SLC24A2: variants seen among roughly 807,000 people sequenced by gnomAD.
SLC24A2 encodes the protein solute carrier family 24 member 2.
SLC24A2 carries 36 observed loss-of-function variants against 62.0 expected under a neutral mutation model. The observed-to-expected ratio is 0.58, with a 90% CI of 0.44 to 0.77. The LOEUF (loss-of-function observed/expected upper bound fraction) is 0.77, where lower values mean the gene tolerates loss of function less well. SLC24A2 is among the 30% of genes least tolerant of loss of function. SLC24A2 has a pLI of 0.00. For synonymous variants in SLC24A2, 358 were observed against 294.0 expected (o/e 1.22, Z -2.23); for missense variants, 846 against 817.9 (o/e 1.03, Z -0.42).
At chr9:19,922,703 T>C in the SLC24A2 span, among the ~76,000 whole-genome samples, 3 of 152,254 alleles carry the variant, frequency 2.0e-5, no homozygotes, top group South Asian at 2.1e-4. Context: ...TGGGGCCACC[T>C]AGACTCCAAA....
the SLC24A2 span, among the ~76,000 whole-genome samples, chr9:19,943,405 G>A: frequency 6.6e-6 from 1 of 152,212 alleles, no homozygotes; most frequent in Admixed American, 6.5e-5. Context: ...CTGCTCCCTG[G>A]AGGGAAGTTG....
the SLC24A2 span, among the ~76,000 whole-genome samples, chr9:20,035,713 T>C: frequency 1.3e-5 from 2 of 152,090 alleles, no homozygotes; most frequent in Non-Finnish European, 2.9e-5. Flanking sequence ...TGAGCCAGGA[T>C]AGCGCTGCAC....
At chr9:19,981,448 G>A in the SLC24A2 span, among the ~76,000 whole-genome samples, 52 of 152,096 alleles carry the variant, frequency 3.4e-4, 2 homozygotes, top group East Asian at 9.9e-3. Context: ...GCATAACAAT[G>A]GTCAATTCTG....
chr9:20,161,757 T>TAC, the SLC24A2 span, among the ~76,000 whole-genome samples: 3,074 of 147,072 alleles, frequency 0.021, 34 homozygotes, highest in African/African-American at 0.036. Context: ...AACATGAAGA[T>TAC]ACACACACAC....
intron 5 of SLC24A2, among the ~76,000 whole-genome samples, chr9:19,594,751 C>T (rs1836658103): frequency 6.6e-6 from 1 of 152,164 alleles, no homozygotes; most frequent in Non-Finnish European, 1.5e-5. Context: ...TTAAATTGTA[C>T]AACATGAAAG....
the SLC24A2 span, among the ~76,000 whole-genome samples, chr9:19,913,178 A>G: frequency 6.6e-6 from 1 of 152,050 alleles, no homozygotes. Context: ...TCTATTTGCT[A>G]ATGACTCCAA....
At chr9:20,229,585 T>G in the SLC24A2 span, among the ~76,000 whole-genome samples, 3 of 152,062 alleles carry the variant, frequency 2.0e-5, no homozygotes, top group Admixed American at 6.6e-5. Context: ...CATTACTCAG[T>G]CCATACATTT....
At chr9:20,300,994 T>C in the SLC24A2 span, among the ~76,000 whole-genome samples, 2 of 152,040 alleles carry the variant, frequency 1.3e-5, no homozygotes, top group African/African-American at 4.8e-5. Context: ...ATCCATTGAG[T>C]AAAAAGAGTC....
chr9:19,832,131 C>G, the SLC24A2 span, among the ~76,000 whole-genome samples: 2 of 152,194 alleles, frequency 1.3e-5, no homozygotes, highest in Admixed American at 6.5e-5. Context: ...TCAGAGAGGC[C>G]AGTTTCAGAA....
At chr9:19,861,888 G>A in the SLC24A2 span, among the ~76,000 whole-genome samples, 3,743 of 151,978 alleles carry the variant, frequency 0.025, 145 homozygotes, top group African/African-American at 0.085. Flanking sequence ...TAAAAATACA[G>A]AGTCAGAGGA....
the SLC24A2 span, among the ~76,000 whole-genome samples, chr9:19,878,249 T>C: frequency 1.3e-5 from 2 of 152,146 alleles, no homozygotes; most frequent in Non-Finnish European, 2.9e-5. Flanking sequence ...CCATAACACC[T>C]GGAGACTTTG....
chr9:20,026,561 C>T, the SLC24A2 span, among the ~76,000 whole-genome samples: 1 of 152,096 alleles, frequency 6.6e-6, no homozygotes, highest in South Asian at 2.1e-4. Flanking sequence ...CCTTGAAGAA[C>T]ACACAATAGG....
At chr9:20,215,254 A>C in the SLC24A2 span, among the ~76,000 whole-genome samples, 2 of 152,210 alleles carry the variant, frequency 1.3e-5, no homozygotes, top group African/African-American at 2.4e-5. Flanking sequence ...TGTCTGCCTC[A>C]CCGAATCACA....
the SLC24A2 span, among the ~76,000 whole-genome samples, chr9:19,876,801 A>AAAG: frequency 6.6e-6 from 1 of 152,104 alleles, no homozygotes; most frequent in East Asian, 1.9e-4. Context: ...AAGGGTTGCT[A>AAAG]GAAGATTTAG....
At chr9:20,158,225 A>G in the SLC24A2 span, among the ~76,000 whole-genome samples, 1 of 151,782 alleles carries the variant, frequency 6.6e-6, no homozygotes, top group Non-Finnish European at 1.5e-5. Flanking sequence ...AGGATGAATT[A>G]TAAGTTGCAC....
At chr9:19,830,611 G>T in the SLC24A2 span, among the ~76,000 whole-genome samples, 1 of 152,124 alleles carries the variant, frequency 6.6e-6, no homozygotes, top group Non-Finnish European at 1.5e-5. Flanking sequence ...TCTTCCAGGA[G>T]TCTTCCATTC....
At chr9:20,140,745 C>A in the SLC24A2 span, among the ~76,000 whole-genome samples, 3 of 152,066 alleles carry the variant, frequency 2.0e-5, no homozygotes, top group Non-Finnish European at 4.4e-5. Flanking sequence ...ACCCACAACC[C>A]CCCACTTCTC....
chr9:20,303,239 C>A, the SLC24A2 span, among the ~76,000 whole-genome samples: 2 of 152,044 alleles, frequency 1.3e-5, no homozygotes, highest in Non-Finnish European at 2.9e-5. Flanking sequence ...TAAAAAAGAA[C>A]CCTGAGGGGA....
At chr9:19,591,728 G>T (rs1170154880) in intron 5 of SLC24A2, among the ~76,000 whole-genome samples, 1 of 152,178 alleles carries the variant, frequency 6.6e-6, no homozygotes, top group Non-Finnish European at 1.5e-5. Flanking sequence ...AGGAGCCTGG[G>T]TCTTGAATTA....
Sources: allele counts gnomAD v4.1 joint callset (sites outside exome capture counted in the v4.1 genomes callset), GRCh38; gene constraint gnomAD v4.1.1; transcripts MANE v1.5; gene names NCBI Gene and HGNC (gene_info 2026-07-23, HGNC 2026-07-21).